The following EFTUD2 variants were observed in gnomAD, a reference collection of about 807,000 sequenced individuals.
EFTUD2 encodes the protein 116 kDa U5 small nuclear ribonucleoprotein component.
A neutral mutation model predicts 114.3 loss-of-function variants in EFTUD2; 9 were observed. That is an observed-to-expected ratio of 0.08 (90% CI 0.05 to 0.14). The LOEUF (loss-of-function observed/expected upper bound fraction) is 0.14, where lower values mean the gene tolerates loss of function less well. Ranked by LOEUF, EFTUD2 falls within the 10% of genes least tolerant of loss-of-function variation. The pLI is 1.00. For missense variants in EFTUD2, 765 were observed against 1,241.2 expected (o/e 0.62, Z 5.76); for synonymous variants, 449 against 462.3 (o/e 0.97, Z 0.37).
chr17:44,878,151 C>T (rs1214114857), intron 9 of EFTUD2, among the ~76,000 whole-genome samples: 1 of 152,002 alleles, frequency 6.6e-6, no homozygotes, highest in African/African-American at 2.4e-5. Context: ...CAAAACAAAA[C>T]AGAAGGAATA....
chr17:44,863,005 A>T, intron 15 of EFTUD2, 99 bp from the exon 16 acceptor site: 1 of 993,222 alleles, frequency 1.0e-6, no homozygotes. Context: ...GAGCTCTATG[A>T]GGAGCTAGAG....
chr17:44,889,863 ATATATTATGAATC>A (rs1197503194), intron 2 of EFTUD2, among the ~76,000 whole-genome samples: 5 of 152,348 alleles, frequency 3.3e-5, no homozygotes, highest in African/African-American at 9.6e-5. Flanking sequence ...ATACTGCTGA[ATATATTATGAATC>A]TAACTGCAGG....
At chr17:44,875,199 C>CA (rs1044340149) in intron 10 of EFTUD2, among the ~76,000 whole-genome samples, 17 of 149,674 alleles carry the variant, frequency 1.1e-4, no homozygotes, top group Non-Finnish European at 2.1e-4. Flanking sequence ...TCCATCTCTA[C>CA]AAAAAAAATA....
At chr17:44,860,775 T>C (rs2050642611) in intron 16 of EFTUD2, among the ~76,000 whole-genome samples, 1 of 151,980 alleles carries the variant, frequency 6.6e-6, no homozygotes, top group Admixed American at 6.6e-5. Flanking sequence ...AATTTTTGTA[T>C]TTTTGTAGAG....
At chr17:44,872,314 T>G in intron 11 of EFTUD2, 132 bp downstream of exon 11, 1 of 1,217,656 alleles carries the variant, frequency 8.2e-7, no homozygotes, top group South Asian at 1.3e-5. Context: ...GACCCCCAAA[T>G]GTGATAATAA....
intron 2 of EFTUD2, among the ~76,000 whole-genome samples, 180 bp from the exon 3 acceptor site, chr17:44,886,930 C>T (rs1198841012): frequency 1.3e-5 from 2 of 152,114 alleles, no homozygotes; most frequent in Non-Finnish European, 2.9e-5. Flanking sequence ...GACTCTAAGC[C>T]GAGGCCATGG....
At position 44,850,542 on chromosome 17, in the gene EFTUD2, T is replaced by C; in HGVS notation, c.*732A>G. The C allele has an allele frequency of 1.7e-6, 1 of 591,130 alleles. No homozygotes were observed. Among genetic ancestry groups the C allele is most frequent in the South Asian group, 2.2e-5 (1 of 45,506 alleles). 36.6% of individuals were successfully genotyped at this position (591,130 alleles called of 1,614,324 possible). ...ACTGGTGGTAGCTGGGGAGAGGACT[T>C]GGAGTAAATGGCTGGAAATCAAAGT... On this transcript the variant is annotated 3_prime_UTR_variant, in exon 28 of 28. Transcript: ENST00000426333.
chr17:44,861,842 C>T (rs2050666675), intron 16 of EFTUD2, among the ~76,000 whole-genome samples: 1 of 152,130 alleles, frequency 6.6e-6, no homozygotes, highest in Non-Finnish European at 1.5e-5. Flanking sequence ...GGCAGGGTAG[C>T]CACCTTAGGG....
At chr17:44,887,164 T>C (rs779481391) in intron 2 of EFTUD2, among the ~76,000 whole-genome samples, 2 of 152,212 alleles carry the variant, frequency 1.3e-5, no homozygotes, top group Admixed American at 6.5e-5. Flanking sequence ...AACTTTGTGA[T>C]AGATAATAAC....
chr17:44,898,391 T>G (rs968858211), intron 1 of EFTUD2, among the ~76,000 whole-genome samples: 5 of 152,184 alleles, frequency 3.3e-5, no homozygotes, highest in African/African-American at 4.8e-5. Context: ...CTAATTTTTT[T>G]GTATTCTTAG....
intron 7 of EFTUD2, among the ~76,000 whole-genome samples, chr17:44,881,278 C>A (rs916723800): frequency 6.6e-6 from 1 of 152,148 alleles, no homozygotes; most frequent in Non-Finnish European, 1.5e-5. Context: ...GATATAGGAA[C>A]CCATTTTCAA....
rs1400411065 is a variant in EFTUD2, at chr17:44,867,913, A to C, written c.1059-16T>G. 4 of 1,572,806 alleles carry C rather than the reference A, an allele frequency of 2.5e-6. No homozygotes were observed. The South Asian group carries it at 4.7e-5, about 18-fold the overall frequency. ...GAACTTTCGCCTAAAAGGAAAAATA[A>C]GTTCTGAGTGACCCAGGGGAAAAGG... On this transcript the variant is annotated splice_polypyrimidine_tract_variant and intron_variant, in intron 12 of 27. Transcript: ENST00000426333.
At chr17:44,897,191 G>A (rs1597834966) in intron 1 of EFTUD2, among the ~76,000 whole-genome samples, 1 of 148,052 alleles carries the variant, frequency 6.8e-6, no homozygotes, top group Admixed American at 6.7e-5. Flanking sequence ...ACTCCAGCCT[G>A]GGTGACAGAG....
chr17:44,876,289 T>C (rs2050947676), intron 9 of EFTUD2, among the ~76,000 whole-genome samples, 189 bp from the exon 10 acceptor site: 1 of 152,122 alleles, frequency 6.6e-6, no homozygotes, highest in Admixed American at 6.5e-5. Flanking sequence ...GAGGGCACCT[T>C]GCAGGATTGA....
chr17:44,852,469 A>G lies in EFTUD2; in HGVS notation c.2655T>C (p.Thr885=), dbSNP rs761673385. The G allele has an allele frequency of 6.2e-7, 1 of 1,614,170 alleles. No homozygotes were observed. The highest frequency in any genetic ancestry group is 8.5e-7 in the Non-Finnish European group (1 of 1,180,024). ...GTCCCTGGGTGTGAGTCCGGAGATCAGTCTCAAAGCCAAAAGAGTCGATGG... is the reference window on the plus strand; with the variant it reads ...GTCCCTGGGTGTGAGTCCGGAGATCGGTCTCAAAGCCAAAAGAGTCGATGG... ...IPAIDSFGFE[T]DLRTHTQGQA... The change falls in exon 26 of 28, where the codon ACT becomes ACC. Residue 885 remains threonine (T), a synonymous_variant. Coordinates refer to ENST00000426333, the MANE Select transcript of EFTUD2 (RefSeq NM_004247.4).
chr17:44,864,901 G>A, intron 14 of EFTUD2, 29 bp downstream of exon 14: 1 of 1,609,682 alleles, frequency 6.2e-7, no homozygotes, highest in Non-Finnish European at 8.5e-7. Context: ...GAGGATGACA[G>A]AGTTAAGGGG....
At chr17:44,867,041 A>T (rs1371837888) in intron 13 of EFTUD2, among the ~76,000 whole-genome samples, 2 of 152,202 alleles carry the variant, frequency 1.3e-5, no homozygotes, top group Admixed American at 1.3e-4. Context: ...TAGGAGTTTG[A>T]AGCTGCAGTG....
chr17:44,895,170 A>G (rs980897719), intron 1 of EFTUD2, among the ~76,000 whole-genome samples: 5 of 152,262 alleles, frequency 3.3e-5, no homozygotes, highest in African/African-American at 1.2e-4. Context: ...AATTAATTAT[A>G]AGGAATTCAA....
intron 2 of EFTUD2, among the ~76,000 whole-genome samples, chr17:44,887,589 C>T (rs2051197567): frequency 6.6e-6 from 1 of 152,124 alleles, no homozygotes; most frequent in South Asian, 2.1e-4. Context: ...GAAAAAGCTG[C>T]ATATTATATG....
Sources: gnomAD v4.1 joint callset for allele counts (sites outside exome capture counted in the v4.1 genomes callset) on GRCh38, gnomAD v4.1.1 for gene constraint, MANE v1.5 for transcripts, NCBI Gene and HGNC (gene_info 2026-07-23, HGNC 2026-07-21) for gene names.